Variants in ELK1 observed in about 807,000 individuals in gnomAD.
The protein encoded by ELK1 is ETS domain-containing protein Elk-1.
For missense variants in ELK1, 254 were observed against 381.5 expected (o/e 0.67, Z 2.78); for synonymous variants, 163 against 176.3 (o/e 0.92, Z 0.60).
intron 2 of ELK1, among the ~76,000 whole-genome samples, chrX:47,648,093 C>A (rs1740161685): frequency 9.0e-6 from 1 of 111,094 alleles, no homozygotes; most frequent in African/African-American, 3.3e-5. Context: ...ACGCCTGTGC[C>A]TTTAAGAGAG....
intron 2 of ELK1, among the ~76,000 whole-genome samples, chrX:47,648,137 G>A (rs751479317): frequency 2.9e-5 from 3 of 102,332 alleles, no homozygotes; most frequent in Admixed American, 1.0e-4. Flanking sequence ...TGTTTTTTGG[G>A]TTTTTTTTTT....
intron 2 of ELK1, among the ~76,000 whole-genome samples, chrX:47,646,344 C>T (rs1015398691): frequency 7.2e-5 from 8 of 110,907 alleles, no homozygotes; most frequent in African/African-American, 2.6e-4. Flanking sequence ...TTTTCGGAGA[C>T]GGGGATCTCA....
chrX:47,641,532 C>A, intron 2 of ELK1, 57 bp from the exon 3 acceptor site: 4 of 893,592 alleles, frequency 4.5e-6, no homozygotes, highest in Non-Finnish European at 6.3e-6. Context: ...CAGAGGTCAG[C>A]GGGAGGAGGA....
At position 47,638,900 on chromosome X, in the gene ELK1, G is replaced by A; in HGVS notation, c.649C>T (p.Leu217=). The A allele has an allele frequency of 4.2e-6, 5 of 1,201,222 alleles. No individual in the cohort carries two copies. The highest frequency in any genetic ancestry group is 5.6e-6 in the Non-Finnish European group (5 of 890,345). ...CLEAEEAGLP[L]QVILTPPEAP... ...TTCTATATTCCAGTCCTTACCTGCA[G>A]AGGCAAGCCGGCCTCTTCAGCCTCC... is the stretch of plus-strand genomic sequence containing the variant. Residue 217 remains leucine (L), a synonymous_variant, in exon 4 of 7, where the codon CTG becomes TTG. Transcript: ENST00000376983.
In ELK1 at chrX:47,641,445, T is replaced by C. The variant is rs2058028296; in HGVS notation, c.-4A>G. 8.3e-7 allele frequency: 1 copy of C among 1,205,924 alleles called. No individual in the cohort carries two copies. Among genetic ancestry groups the C allele is most frequent in the Non-Finnish European group, 1.1e-6 (1 of 892,218 alleles). On this transcript the variant is annotated 5_prime_UTR_variant, in exon 3 of 7. Coordinates refer to ENST00000376983, the MANE Select transcript of ELK1 (RefSeq NM_001114123.3). The stretch of plus-strand genomic sequence containing the variant: ...ACAGCGTCACAGATGGGTCCATCGC[T>C]GGGGGAGTGCTCACGCCATCCCAGG...
chrX:47,640,943 A>T (rs2058026318), intron 3 of ELK1, among the ~76,000 whole-genome samples: 1 of 111,577 alleles, frequency 9.0e-6, no homozygotes. Flanking sequence ...CGGCAGGAAA[A>T]TGAAACGTTG....
At position 47,638,967 on chromosome X, in the gene ELK1, C is replaced by T. The variant is rs763903519; in HGVS notation, c.582G>A (p.Ser194=). The change falls in exon 4 of 7, where the codon TCG becomes TCA. Residue 194 remains serine (S), a synonymous_variant. Coordinates refer to ENST00000376983, the MANE Select transcript of ELK1 (RefSeq NM_001114123.3). The part of the protein sequence containing the change: ...AAPAGAAAPP[S]GSRSTSPSPL... The stretch of plus-strand genomic sequence containing the variant: ...GGCTTGGACTGGTGCTCCTGCTCCC[C>T]GAGGGGGGCGCTGCTGCCCCTGCAG... The T allele has an allele frequency of 2.3e-5, 28 of 1,199,271 alleles. No individual in the cohort carries two copies. The South Asian group carries it at 2.7e-4, about 12-fold the overall frequency.
In ELK1 at chrX:47,650,520, G is replaced by A. The variant is rs1287613313; in HGVS notation, c.-238C>T. On this transcript the variant is annotated 5_prime_UTR_variant, in exon 1 of 7. Coordinates refer to ENST00000376983, the MANE Select transcript of ELK1 (RefSeq NM_001114123.3). Reference sequence around the variant, plus strand: ...CCGCCCCCCAGGCCTGGGTTCCGAGGCGGCGGTGGAGGTGGTGGTGGCGGT... The same window carrying A: ...CCGCCCCCCAGGCCTGGGTTCCGAGACGGCGGTGGAGGTGGTGGTGGCGGT... 3.1e-6 allele frequency: 1 copy of A among 326,409 alleles called. No individual in the cohort carries two copies. The highest frequency in any genetic ancestry group is 5.8e-6 in the Non-Finnish European group (1 of 172,252). The allele number at this position is 326,409 out of a possible 1,213,427, so 26.9% of individuals were successfully genotyped here. A position where few individuals can be genotyped will look rare whatever the true frequency, so the allele number is the denominator to read the frequency against.
chrX:47,649,091 C>T (rs1378601423), intron 2 of ELK1: 1 of 111,592 alleles, frequency 9.0e-6, no homozygotes, highest in East Asian at 2.8e-4. Context: ...TCCCTATGGC[C>T]CAATTCCCTC....
chrX:47,638,269 G>A, intron 4 of ELK1, 87 bp from the exon 5 acceptor site: 1 of 1,091,327 alleles, frequency 9.2e-7, no homozygotes, highest in Non-Finnish European at 1.2e-6. Context: ...ATTTCCCCGG[G>A]AAGGTGGCAC....
At chrX:47,646,598 T>C (rs1039881168) in intron 2 of ELK1, among the ~76,000 whole-genome samples, 1 of 112,825 alleles carries the variant, frequency 8.9e-6, no homozygotes, top group Non-Finnish European at 1.9e-5. Flanking sequence ...CTTATTCATA[T>C]ATAAACTGGC....
At position 47,639,183 on chromosome X, in the gene ELK1, G is replaced by A. The variant is rs2058020465; in HGVS notation, c.366C>T (p.Ala122=). 1 of 1,209,537 alleles carries A rather than the reference G, an allele frequency of 8.3e-7. No individual in the cohort carries two copies. The highest frequency in any genetic ancestry group is 2.3e-4 in the Middle Eastern group (1 of 4,312). Residue 122 remains alanine, a synonymous_variant, in exon 4 of 7, where the codon GCC becomes GCT. Transcript: ENST00000376983. ...PNVAPAAIHA[A]PGDTVSGKPG... ...GCTTTCCAGAGACAGTGTCCCCTGG[G>A]GCGGCATGTATAGCAGCAGGGGCCA...
chrX:47,641,790 G>A (rs888893017), intron 2 of ELK1, among the ~76,000 whole-genome samples: 6 of 112,094 alleles, frequency 5.4e-5, no homozygotes, highest in African/African-American at 9.8e-5. Flanking sequence ...CCTAATCCTC[G>A]GAACCTGTAT....
chrX:47,640,126 A>G (rs1429496149), intron 3 of ELK1, among the ~76,000 whole-genome samples: 1 of 111,741 alleles, frequency 8.9e-6, no homozygotes, highest in Non-Finnish European at 1.9e-5. Flanking sequence ...GGCCTATATC[A>G]AGGCTGGCTT....
chrX:47,639,226 G>A lies in ELK1; in HGVS notation c.323C>T (p.Thr108Ile). 1 of 1,210,281 alleles carries A rather than the reference G, an allele frequency of 8.3e-7. No homozygotes were observed. The highest frequency in any genetic ancestry group is 1.1e-6 in the Non-Finnish European group (1 of 894,730). Residue 108 changes from threonine to isoleucine, a missense_variant, in exon 4 of 7, where the codon ACC becomes ATC. By Grantham distance (89) the Thr-to-Ile change is moderately conservative. Coordinates refer to ENST00000376983, the MANE Select transcript of ELK1 (RefSeq NM_001114123.3). The stretch of plus-strand genomic sequence containing the variant: ...AGGGGCCACATTTGGCATGGTGGAG[G>A]TAACAGACACCTCTGGCTGGGGCGG... ...DCPPQPEVSVTSTMPNVAPAA... is the reference protein window; with the variant it reads ...DCPPQPEVSVISTMPNVAPAA...
At chrX:47,646,978 A>G (rs2058045442) in intron 2 of ELK1, among the ~76,000 whole-genome samples, 1 of 111,529 alleles carries the variant, frequency 9.0e-6, no homozygotes, top group African/African-American at 3.3e-5. Flanking sequence ...GTAGACATTA[A>G]GGCTCTCTCC....
rs1221229716 is a variant in ELK1 at position 47,637,604 on chromosome X, G to GCA, written c.1086+145_1086+146dup. 5 of 753,880 alleles carry GCA rather than the reference G, an allele frequency of 6.6e-6. No homozygotes were observed. In the African/African-American group the frequency reaches 1.1e-4, roughly 16 times the overall value. The allele number at this position is 753,880 out of a possible 1,213,427, so 62.1% of individuals were successfully genotyped here. ...TAATCAAACCCCATCCCTCCAGCCAGCATCAGCCCAGTCAATCACACTCAA... is the reference window on the plus strand; with the variant it reads ...TAATCAAACCCCATCCCTCCAGCCAGCACATCAGCCCAGTCAATCACACTCAA... On this transcript the variant is annotated intron_variant, in intron 5 of 6. Transcript: ENST00000376983.
Position 47,639,209 on chromosome X carries a change from C to T in ELK1, c.340G>A (p.Val114Met). 1.7e-6 allele frequency: 2 copies of T among 1,210,088 alleles called. No homozygotes were observed. The highest frequency in any genetic ancestry group is 2.2e-6 in the Non-Finnish European group (2 of 894,608). ...GCGGCATGTATAGCAGCAGGGGCCA[C>T]ATTTGGCATGGTGGAGGTAACAGAC... is the stretch of plus-strand genomic sequence containing the variant. ...EVSVTSTMPN[V>M]APAAIHAAPG... The change falls in exon 4 of 7, where the codon GTG (valine) becomes ATG (methionine). Residue 114 changes from valine (V) to methionine (M), a missense_variant. Coordinates refer to ENST00000376983, the MANE Select transcript of ELK1 (RefSeq NM_001114123.3).
intron 2 of ELK1, among the ~76,000 whole-genome samples, chrX:47,648,204 G>A (rs182213089): frequency 9.1e-6 from 1 of 110,003 alleles, no homozygotes; most frequent in African/African-American, 3.3e-5. Flanking sequence ...CTGGGCTCAA[G>A]CTATCCTCCC....
Sources: allele counts gnomAD v4.1 joint callset (sites outside exome capture counted in the v4.1 genomes callset), GRCh38; gene constraint gnomAD v4.1.1; transcripts MANE v1.5; gene names NCBI Gene and HGNC (gene_info 2026-07-23, HGNC 2026-07-21).